The following LINC00632 variants were observed in gnomAD, a reference collection of about 807,000 sequenced individuals.
LINC00632 encodes long independently transcribed non-coding RNA 632.
At chrX:140,771,683 A>T (rs372170841) in intron 3 of LINC00632, among the ~76,000 whole-genome samples, 26,916 of 58,634 alleles carry the variant, frequency 0.46, 5,184 homozygotes, top group South Asian at 0.59. Flanking sequence ...ATATATATAT[A>T]TATTTTTTTT....
chrX:140,754,795 G>A (rs1472910344), intron 3 of LINC00632, among the ~76,000 whole-genome samples: 1 of 110,407 alleles, frequency 9.1e-6, no homozygotes, highest in Non-Finnish European at 1.9e-5. Context: ...CTCTAACATG[G>A]AGCAAGCAGC....
intron 2 of LINC00632, among the ~76,000 whole-genome samples, chrX:140,731,188 A>G (rs956638500): frequency 1.6e-4 from 18 of 112,259 alleles, no homozygotes; most frequent in African/African-American, 5.5e-4. Context: ...GGCATTAGCT[A>G]GCACGCCCAG....
At chrX:140,783,776 C>T in exon 5 of LINC00632, 1 of 1,210,476 alleles carries the variant, frequency 8.3e-7, no homozygotes, top group East Asian at 3.0e-5. Flanking sequence ...TATATGTCTT[C>T]CTGAAGATCC....
rs941438809 is a variant in LINC00632, at chrX:140,732,076, C to T, written n.105-1802C>T. On this transcript the variant is annotated intron_variant and non_coding_transcript_variant, in intron 2 of 4. Coordinates refer to ENST00000648200, the Ensembl canonical transcript of LINC00632. Reference sequence around the variant, plus strand: ...AAAATTAGCTGGGCGTGGTGGCAGGCGCCTGTAATCCCAGCTACTTGGGAG... The same window carrying T: ...AAAATTAGCTGGGCGTGGTGGCAGGTGCCTGTAATCCCAGCTACTTGGGAG... Among the ~76,000 whole-genome samples the T allele has an allele frequency of 6.3e-5, 7 of 110,711 alleles. 1 individual carries two copies. Among genetic ancestry groups the T allele is most frequent in the South Asian group, 7.7e-4 (2 of 2,591 alleles).
chrX:140,756,282 A>T (rs930600046), intron 3 of LINC00632, among the ~76,000 whole-genome samples: 3 of 112,285 alleles, frequency 2.7e-5, no homozygotes, highest in African/African-American at 9.7e-5. Context: ...CATTTGAATG[A>T]AACTTTGAAA....
exon 5 of LINC00632, chrX:140,783,507 T>C: frequency 1.9e-6 from 2 of 1,028,705 alleles, no homozygotes; most frequent in Non-Finnish European, 1.3e-6. Flanking sequence ...AGCTAATCCA[T>C]GTCTTCCAGA....
chrX:140,776,517 G>A (rs1448453415), exon 5 of LINC00632, among the ~76,000 whole-genome samples: 1 of 112,926 alleles, frequency 8.9e-6, no homozygotes, highest in Admixed American at 9.3e-5. Context: ...CCCGCCACCC[G>A]CCGGGGTCCT....
chrX:140,762,224 A>AGAGAGAGAGAGG (rs1326140423), intron 3 of LINC00632, among the ~76,000 whole-genome samples: 20 of 105,625 alleles, frequency 1.9e-4, no homozygotes, highest in East Asian at 9.3e-4. Context: ...AGAGAGAGAG[A>AGAGAGAGAGAGG]GAGAGAGAGA....
exon 5 of LINC00632, chrX:140,783,947 T>G (rs757654637): frequency 8.3e-7 from 1 of 1,208,384 alleles, no homozygotes; most frequent in African/African-American, 1.7e-5. Context: ...TTCCAGAAAA[T>G]CCACATCTTC....
intron 2 of LINC00632, among the ~76,000 whole-genome samples, chrX:140,732,239 C>T (rs1361180832): frequency 1.1e-4 from 12 of 110,972 alleles, no homozygotes; most frequent in Non-Finnish European, 1.7e-4. Flanking sequence ...ACAAAAAAAA[C>T]CATTACAGGC....
At chrX:140,711,842 AT>A (rs1444905153) in intron 2 of LINC00632, 1 of 143,604 alleles carries the variant, frequency 7.0e-6, no homozygotes, top group African/African-American at 3.3e-5. Context: ...AAGTGTTGTG[AT>A]TTTTTTCTTT....
chrX:140,731,366 C>T (rs1171808524), intron 2 of LINC00632, among the ~76,000 whole-genome samples: 1 of 111,947 alleles, frequency 8.9e-6, no homozygotes, highest in Non-Finnish European at 1.9e-5. Context: ...CTACCACTCC[C>T]TGGGGCTATT....
At chrX:140,729,277 A>G (rs757856665) in intron 2 of LINC00632, among the ~76,000 whole-genome samples, 2 of 109,963 alleles carry the variant, frequency 1.8e-5, no homozygotes, top group Non-Finnish European at 3.8e-5. Flanking sequence ...AGCCTGTATC[A>G]TATAGTATTG....
intron 2 of LINC00632, among the ~76,000 whole-genome samples, chrX:140,712,608 C>A (rs1020984912): frequency 1.4e-4 from 15 of 110,247 alleles, no homozygotes; most frequent in African/African-American, 5.0e-4. Flanking sequence ...CTAACCCATG[C>A]CACCACTGCC....
chrX:140,719,489 A>G (rs896476693), intron 2 of LINC00632, among the ~76,000 whole-genome samples: 3 of 109,280 alleles, frequency 2.7e-5, no homozygotes, highest in African/African-American at 1.0e-4. Flanking sequence ...AGTAGAGACT[A>G]GGTTTCATTT....
intron 3 of LINC00632, among the ~76,000 whole-genome samples, chrX:140,736,524 C>A (rs1364585006): frequency 9.6e-6 from 1 of 103,885 alleles, no homozygotes; most frequent in Non-Finnish European, 2.0e-5. Flanking sequence ...GCAACCTCCC[C>A]CTCCCAGGTT....
At chrX:140,782,229 G>A (rs1931944301) in exon 5 of LINC00632, among the ~76,000 whole-genome samples, 1 of 111,778 alleles carries the variant, frequency 8.9e-6, no homozygotes. Context: ...ACAACTCTTT[G>A]AATATTGCTA....
intron 3 of LINC00632, among the ~76,000 whole-genome samples, chrX:140,738,307 A>G (rs1325404089): frequency 8.9e-6 from 1 of 112,264 alleles, no homozygotes; most frequent in Admixed American, 9.5e-5. Flanking sequence ...ATACTTCTTG[A>G]AAAGAATTTG....
chrX:140,776,965 A>G (rs995875719), exon 5 of LINC00632, among the ~76,000 whole-genome samples: 1 of 110,808 alleles, frequency 9.0e-6, no homozygotes, highest in African/African-American at 3.3e-5. Context: ...AGCCATAAAA[A>G]TGAATTGAGA....
Sources: allele counts gnomAD v4.1 joint callset (sites outside exome capture counted in the v4.1 genomes callset), GRCh38; gene constraint gnomAD v4.1.1; transcripts MANE v1.5; gene names NCBI Gene and HGNC (gene_info 2026-07-23, HGNC 2026-07-21).